Variants in ARHGAP26 observed in about 807,000 individuals in gnomAD.
ARHGAP26 encodes rho GTPase-activating protein 26.
ARHGAP26 carries 38 observed loss-of-function variants against 104.8 expected under a neutral mutation model. The ratio of observed to expected loss-of-function variants is 0.36; its 90% CI spans 0.28 to 0.48. ARHGAP26 has a LOEUF of 0.48. Ranked by LOEUF, ARHGAP26 falls within the 20% of genes least tolerant of loss-of-function variation. The pLI, the probability that ARHGAP26 is intolerant of heterozygous loss-of-function variation, is 0.99. For synonymous variants in ARHGAP26, 341 were observed against 340.0 expected, an observed-to-expected ratio of 1.00 and a Z score of -0.03; for missense variants, 704 against 947.9, an observed-to-expected ratio of 0.74 and a Z score of 3.38.
chr5:142,863,610 C>T (rs576945079), intron 1 of ARHGAP26, among the ~76,000 whole-genome samples: 30 of 152,316 alleles, frequency 2.0e-4, no homozygotes, highest in African/African-American at 6.3e-4. Flanking sequence ...GTTCCAGGCA[C>T]GTGCTAGGAG....
chr5:142,772,389 G>A (rs188055192), intron 1 of ARHGAP26, among the ~76,000 whole-genome samples: 2 of 152,326 alleles, frequency 1.3e-5, no homozygotes, highest in East Asian at 1.9e-4. Context: ...CTGGTTTGGA[G>A]TAAGTTAGGG....
chr5:142,863,514 GTTCTT>G (rs1261346452), intron 1 of ARHGAP26, among the ~76,000 whole-genome samples: 1 of 152,150 alleles, frequency 6.6e-6, no homozygotes, highest in East Asian at 1.9e-4. Context: ...CTTTTTCTGG[GTTCTT>G]TTCTATTCTG....
intron 11 of ARHGAP26, among the ~76,000 whole-genome samples, chr5:142,963,225 T>TGTGTGTGTGTGC: frequency 6.9e-6 from 1 of 144,154 alleles, no homozygotes; most frequent in African/African-American, 2.7e-5. Flanking sequence ...TGTGTGCGCG[T>TGTGTGTGTGTGC]GTGTGTGTGT....
chr5:142,922,841 G>T (rs1446942966), intron 10 of ARHGAP26, among the ~76,000 whole-genome samples: 1 of 151,996 alleles, frequency 6.6e-6, no homozygotes. Flanking sequence ...CTCACCCCTT[G>T]TTTGAAATAA....
intron 20 of ARHGAP26, among the ~76,000 whole-genome samples, chr5:143,181,099 C>T (rs1804270200): frequency 6.6e-6 from 1 of 152,218 alleles, no homozygotes; most frequent in Non-Finnish European, 1.5e-5. Context: ...CACCTCAGCC[C>T]AAGCCTTGGC....
At position 142,988,041 on chromosome 5, in the gene ARHGAP26, A is replaced by G. The variant is rs546334213; in HGVS notation, c.1108-26039A>G. ...GTTAGGGAGGATTCCCTCTTTTTCT[A>G]TTGATTGGAATGGTTTCAGAAGGAA... is the stretch of plus-strand genomic sequence containing the variant. On this transcript the variant is annotated intron_variant, in intron 11 of 22. Coordinates refer to ENST00000645722, the MANE Select transcript of ARHGAP26 (RefSeq NM_001135608.3). Among the ~76,000 whole-genome samples, 179 of 152,142 alleles carry G rather than the reference A, an allele frequency of 1.2e-3. 1 individual carries two copies. The highest frequency in any genetic ancestry group is 3.7e-3 in the African/African-American group (154 of 41,494).
rs74509616 is a variant in ARHGAP26 at position 143,108,501 on chromosome 5, A to G, written c.1539-12487A>G. Among the ~76,000 whole-genome samples the G allele has an allele frequency of 8.5e-3, 1,297 of 152,310 alleles. 17 individuals carry two copies. Among genetic ancestry groups the G allele is most frequent in the African/African-American group, 0.029 (1,211 of 41,554 alleles). On this transcript the variant is annotated intron_variant, in intron 17 of 22. Transcript: ENST00000645722. ...ATCTAAAAGTACCGTGACAGGACAT[A>G]TAGGTTTGTCAATTCCAGTCACTTT...
intron 19 of ARHGAP26, among the ~76,000 whole-genome samples, chr5:143,140,094 T>C (rs1317289947): frequency 1.3e-5 from 2 of 152,184 alleles, no homozygotes; most frequent in Admixed American, 6.5e-5. Flanking sequence ...ATACAGATGC[T>C]TGGTCTCCTA....
chr5:143,036,336 G>C (rs551323128), intron 12 of ARHGAP26, among the ~76,000 whole-genome samples: 11 of 152,252 alleles, frequency 7.2e-5, no homozygotes, highest in Admixed American at 7.2e-4. Flanking sequence ...TTCCAGCCTT[G>C]TTGTCAGGTT....
intron 1 of ARHGAP26, among the ~76,000 whole-genome samples, chr5:142,806,341 T>G (rs1762976850): frequency 6.6e-6 from 1 of 152,218 alleles, no homozygotes; most frequent in East Asian, 1.9e-4. Flanking sequence ...CAAGCAATCC[T>G]CCTGCCTGGG....
intron 1 of ARHGAP26, among the ~76,000 whole-genome samples, chr5:142,832,754 A>G (rs1231575018): frequency 2.6e-5 from 4 of 152,206 alleles, no homozygotes; most frequent in African/African-American, 9.6e-5. Context: ...AAGAGCTTAT[A>G]TCTTAGAAGG....
chr5:142,820,698 C>T (rs1376565206), intron 1 of ARHGAP26, among the ~76,000 whole-genome samples: 1 of 152,126 alleles, frequency 6.6e-6, no homozygotes, highest in Non-Finnish European at 1.5e-5. Context: ...AAAACAAAAG[C>T]CTTTTCTTTT....
chr5:142,902,793 T>C (rs1760548580), intron 7 of ARHGAP26, among the ~76,000 whole-genome samples: 1 of 152,216 alleles, frequency 6.6e-6, no homozygotes, highest in South Asian at 2.1e-4. Flanking sequence ...TCACAAAGCA[T>C]GGCTTCCCCT....
At chr5:143,113,733 C>T (rs1795055478) in intron 17 of ARHGAP26, among the ~76,000 whole-genome samples, 1 of 152,228 alleles carries the variant, frequency 6.6e-6, no homozygotes, top group African/African-American at 2.4e-5. Context: ...AATGCTCTTT[C>T]TCTCTTTTGT....
intron 6 of ARHGAP26, among the ~76,000 whole-genome samples, chr5:142,897,746 G>T (rs950642831): frequency 2.6e-5 from 4 of 152,088 alleles, no homozygotes; most frequent in African/African-American, 9.7e-5. Flanking sequence ...CATCTCTGAG[G>T]GTAAGTACTG....
At chr5:142,817,514 G>A (rs1765368321) in intron 1 of ARHGAP26, among the ~76,000 whole-genome samples, 1 of 152,180 alleles carries the variant, frequency 6.6e-6, no homozygotes, top group Admixed American at 6.5e-5. Flanking sequence ...CTGCTGTAGA[G>A]GTGAAGGATA....
At chr5:143,029,352 A>G (rs1373628477) in intron 12 of ARHGAP26, among the ~76,000 whole-genome samples, 3 of 138,606 alleles carry the variant, frequency 2.2e-5, no homozygotes, top group East Asian at 2.2e-4. Context: ...AATTTCCTGT[A>G]TCCATCCATC....
chr5:143,162,284 T>TACACACACACACACAC (rs34577770), intron 20 of ARHGAP26, among the ~76,000 whole-genome samples: 26 of 147,438 alleles, frequency 1.8e-4, no homozygotes, highest in African/African-American at 5.6e-4. Context: ...AACACACACA[T>TACACACACACACACAC]ACACACACAC....
At position 142,838,239 on chromosome 5, in the gene ARHGAP26, G is replaced by A. The variant is rs968709931; in HGVS notation, c.155-35161G>A. On this transcript the variant is annotated intron_variant, in intron 1 of 22. Transcript: ENST00000645722. ...CACCACTGCACTCCAGCCTGGGCAA[G>A]AGAGTGAGACTCCATCTAAAAGAAA... 3.3e-5 allele frequency among the ~76,000 whole-genome samples: 5 copies of A among 151,606 alleles called. No homozygotes were observed. In the East Asian group the frequency reaches 9.7e-4, roughly 29 times the overall value.
Sources: allele counts gnomAD v4.1 joint callset (sites outside exome capture counted in the v4.1 genomes callset), GRCh38; gene constraint gnomAD v4.1.1; transcripts MANE v1.5; gene names NCBI Gene and HGNC (gene_info 2026-07-23, HGNC 2026-07-21).